VPS53: variants seen among roughly 807,000 people sequenced by gnomAD.
VPS53 encodes vacuolar protein sorting-associated protein 53 homolog.
A neutral mutation model predicts 107.0 loss-of-function variants in VPS53; 70 were observed. That is an observed-to-expected ratio of 0.65 (90% CI 0.54 to 0.80). The LOEUF is 0.80. Ranked by LOEUF, VPS53 falls within the 30% of genes least tolerant of loss-of-function variation. The pLI is 0.00. For synonymous variants in VPS53, 409 were observed against 393.3 expected (o/e 1.04, Z -0.47); for missense variants, 917 against 1,049.4 (o/e 0.87, Z 1.74).
chr17:666,393 G>C (rs748242520), intron 4 of VPS53, among the ~76,000 whole-genome samples: 1 of 152,232 alleles, frequency 6.6e-6, no homozygotes, highest in African/African-American at 2.4e-5. Context: ...GCTGGGCGCA[G>C]TGGCTCAGGC....
At chr17:657,637 G>A (rs1210915880) in intron 5 of VPS53, 1 of 607,150 alleles carries the variant, frequency 1.6e-6, no homozygotes, top group African/African-American at 1.8e-5. Flanking sequence ...CAGGTTCTGT[G>A]ATACCTGGAA....
At chr17:587,212 G>A (rs995066468) in intron 12 of VPS53, among the ~76,000 whole-genome samples, 4 of 152,064 alleles carry the variant, frequency 2.6e-5, no homozygotes, top group Non-Finnish European at 4.4e-5. Flanking sequence ...ATAGGCACAC[G>A]CCACCACACC....
chr17:590,083 G>A (rs192534730), intron 12 of VPS53, among the ~76,000 whole-genome samples: 2 of 152,232 alleles, frequency 1.3e-5, no homozygotes, highest in East Asian at 1.9e-4. Flanking sequence ...TCCTTGAAGA[G>A]GACCTTCACA....
chr17:605,559 G>A (rs1454317585), intron 11 of VPS53, among the ~76,000 whole-genome samples: 60 of 138,746 alleles, frequency 4.3e-4, no homozygotes, highest in Non-Finnish European at 7.2e-4. Context: ...GAGGGGTGGC[G>A]GGAGTCCCAT....
At chr17:684,010 G>A (rs1453455596) in intron 4 of VPS53, among the ~76,000 whole-genome samples, 1 of 152,232 alleles carries the variant, frequency 6.6e-6, no homozygotes, top group Non-Finnish European at 1.5e-5. Flanking sequence ...GAGGTCAGAA[G>A]CCTGCTATGA....
At chr17:579,088 C>A (rs980646428) in intron 13 of VPS53, among the ~76,000 whole-genome samples, 1 of 150,962 alleles carries the variant, frequency 6.6e-6, no homozygotes, top group Non-Finnish European at 1.5e-5. Flanking sequence ...TACCAGAGAA[C>A]CTTCCTCAGG....
intron 7 of VPS53, among the ~76,000 whole-genome samples, chr17:651,883 ATTACT>A: frequency 6.6e-6 from 1 of 152,298 alleles, no homozygotes; most frequent in East Asian, 1.9e-4. Context: ...GCTCTGAGAA[ATTACT>A]TTCCTTTCCA....
Position 562,764 on chromosome 17 carries a change from A to AC in VPS53, c.1314-20dup. On this transcript the variant is annotated intron_variant, in intron 13 of 21. Transcript: ENST00000437048. ...GAGGTTCCTAGGAGGAAAAAAAAAA[A>AC]CCAAAAATGTTATTTTACTTCAAGA... 6.3e-7 allele frequency: 1 copy of AC among 1,585,022 alleles called. No individual in the cohort carries two copies. The highest frequency in any genetic ancestry group is 8.6e-7 in the Non-Finnish European group (1 of 1,166,752).
intron 4 of VPS53, among the ~76,000 whole-genome samples, chr17:678,717 C>G (rs1972263873): frequency 6.6e-6 from 1 of 151,892 alleles, no homozygotes; most frequent in Non-Finnish European, 1.5e-5. Flanking sequence ...CGGCTCACTG[C>G]AAGCTCCACC....
chr17:601,597 C>G (rs942034395), intron 12 of VPS53, among the ~76,000 whole-genome samples, 198 bp downstream of exon 12: 1 of 152,192 alleles, frequency 6.6e-6, no homozygotes, highest in Non-Finnish European at 1.5e-5. Context: ...TCTTCAGGAG[C>G]AGAGATGTGG....
intron 10 of VPS53, among the ~76,000 whole-genome samples, chr17:624,499 A>G (rs1969606182): frequency 6.6e-6 from 1 of 152,202 alleles, no homozygotes; most frequent in African/African-American, 2.4e-5. Context: ...AGTTCTTAGT[A>G]AGGACTAAGC....
chr17:697,277 C>T (rs1470940181), intron 4 of VPS53, 141 bp downstream of exon 4: 17 of 742,510 alleles, frequency 2.3e-5, no homozygotes, highest in Admixed American at 4.2e-5. Flanking sequence ...CTGCTGTGGG[C>T]GCCTGCCCTG....
At chr17:669,111 C>G (rs945272835) in intron 4 of VPS53, among the ~76,000 whole-genome samples, 1 of 152,130 alleles carries the variant, frequency 6.6e-6, no homozygotes, top group Non-Finnish European at 1.5e-5. Flanking sequence ...AACACACACC[C>G]TAATATTTGA....
chr17:711,357 A>G (rs572516373), intron 1 of VPS53, among the ~76,000 whole-genome samples: 3 of 152,252 alleles, frequency 2.0e-5, no homozygotes, highest in Admixed American at 6.5e-5. Context: ...AAGCAACTTC[A>G]TCTCTGAAGA....
chr17:531,700 T>G (rs1257335068), intron 19 of VPS53, among the ~76,000 whole-genome samples: 11 of 151,918 alleles, frequency 7.2e-5, no homozygotes. Flanking sequence ...TTGCACTATG[T>G]TGCCCAGGCT....
intron 4 of VPS53, among the ~76,000 whole-genome samples, chr17:696,928 G>A (rs768312317): frequency 1.3e-5 from 2 of 152,020 alleles, no homozygotes; most frequent in Non-Finnish European, 2.9e-5. Flanking sequence ...GAGTAGCTGG[G>A]ATTACAGGCG....
At chr17:562,417 A>G (rs1913100594) in intron 14 of VPS53, 86 bp downstream of exon 14, 2 of 1,564,782 alleles carry the variant, frequency 1.3e-6, no homozygotes, top group Non-Finnish European at 1.7e-6. Context: ...TTGGTGGTTT[A>G]GTAAACAACT....
chr17:537,373 C>G (rs753286061), intron 17 of VPS53, 197 bp from the exon 18 acceptor site: 11 of 611,716 alleles, frequency 1.8e-5, no homozygotes, highest in Non-Finnish European at 3.1e-5. Flanking sequence ...GCCCAGCGGA[C>G]CCGACAGTGA....
chr17:600,534 G>A (rs952832537), intron 12 of VPS53, among the ~76,000 whole-genome samples: 2 of 152,226 alleles, frequency 1.3e-5, no homozygotes, highest in African/African-American at 4.8e-5. Context: ...TAAATCAACT[G>A]CATCTAATCC....
Sources: gnomAD v4.1 joint callset for allele counts (sites outside exome capture counted in the v4.1 genomes callset) on GRCh38, gnomAD v4.1.1 for gene constraint, MANE v1.5 for transcripts, NCBI Gene and HGNC (gene_info 2026-07-23, HGNC 2026-07-21) for gene names.